The following ABCA13 variants were observed in gnomAD, a reference collection of about 807,000 sequenced individuals.
ABCA13 encodes the protein ATP-binding cassette sub-family A member 13.
Under a neutral mutation model 478.7 loss-of-function variants are expected in ABCA13, and 476 were observed. The ratio of observed to expected loss-of-function variants is 0.99; its 90% CI spans 0.92 to 1.07. ABCA13 has a LOEUF of 1.07. Among genes scored for constraint, ABCA13 ranks in the 50% least tolerant of loss-of-function variants. The pLI, the probability that ABCA13 is intolerant of heterozygous loss-of-function variation, is 0.00. For synonymous variants in ABCA13, 2,252 were observed against 2,158.9 expected, an observed-to-expected ratio of 1.04 and a Z score of -1.20; for missense variants, 6,060 against 5,910.6, an observed-to-expected ratio of 1.03 and a Z score of -0.83.
intron 45 of ABCA13, among the ~76,000 whole-genome samples, chr7:48,480,716 G>T (rs1471000468): frequency 2.0e-5 from 3 of 152,158 alleles, no homozygotes; most frequent in African/African-American, 7.2e-5. Context: ...CTCTCTTTCA[G>T]GTTCGTCAAA....
At chr7:48,599,875 A>C (rs919290965) in intron 58 of ABCA13, among the ~76,000 whole-genome samples, 1 of 152,084 alleles carries the variant, frequency 6.6e-6, no homozygotes, top group African/African-American at 2.4e-5. Flanking sequence ...TGTCTATGCA[A>C]AGGAATATGT....
chr7:48,372,612 G>A, intron 33 of ABCA13, 115 bp downstream of exon 33: 2 of 856,046 alleles, frequency 2.3e-6, no homozygotes, highest in South Asian at 2.1e-5. Context: ...ATATCTACAT[G>A]GGCTTTCTGA....
chr7:48,556,371 A>G (rs969461228), intron 55 of ABCA13, among the ~76,000 whole-genome samples: 1 of 151,882 alleles, frequency 6.6e-6, no homozygotes, highest in Non-Finnish European at 1.5e-5. Context: ...TTTTCTGTTT[A>G]TAATATCTGT....
chr7:48,313,207 G>A lies in ABCA13; in HGVS notation c.9657G>A (p.Leu3219=). The A allele has an allele frequency of 6.2e-7, 1 of 1,611,594 alleles. No homozygotes were observed. The highest frequency in any genetic ancestry group is 8.5e-7 in the Non-Finnish European group (1 of 1,178,720). The change falls in exon 25 of 62, where the codon TTG becomes TTA. Residue 3219 remains leucine, a synonymous_variant. Transcript: ENST00000435803. ...TTCACACATTTAAAATCACTGCCTT[G>A]CTAGAAACCCTGGACTTTCAACAGG... is the stretch of plus-strand genomic sequence containing the variant. The part of the protein sequence containing the change: ...EFLHTFKITA[L]LETLDFQQVS...
In ABCA13 at chr7:48,272,508, A is replaced by G. The variant is rs779473888; in HGVS notation, c.2842A>G (p.Ile948Val). 1 of 1,613,690 alleles carries G rather than the reference A, an allele frequency of 6.2e-7. No individual in the cohort carries two copies. Among genetic ancestry groups the G allele is most frequent in the Admixed American group, 1.7e-5 (1 of 59,986 alleles). Reference sequence around the variant, plus strand: ...AGAAGTTGATAAAATTTTGACTCACATACACCTAAATGTCTTCCAGGACAA... The same window carrying G: ...AGAAGTTGATAAAATTTTGACTCACGTACACCTAAATGTCTTCCAGGACAA... Reference protein sequence around the residue: ...KQEVDKILTHIHLNVFQDKDS... With the variant: ...KQEVDKILTHVHLNVFQDKDS... The change falls in exon 17 of 62, where the codon ATA becomes GTA. Residue 948 changes from isoleucine to valine, a missense_variant. Physicochemically the swap from Ile to Val is conservative, Grantham distance 29. Transcript: ENST00000435803.
At chr7:48,216,192 C>T (rs2128955595) in intron 3 of ABCA13, among the ~76,000 whole-genome samples, 1 of 152,250 alleles carries the variant, frequency 6.6e-6, no homozygotes, top group Admixed American at 6.5e-5. Flanking sequence ...CGTGGCTCTA[C>T]CATTTTGCTC....
intron 40 of ABCA13, among the ~76,000 whole-genome samples, chr7:48,410,984 T>TTTCA: frequency 1.7e-5 from 1 of 59,686 alleles, no homozygotes; most frequent in Non-Finnish European, 3.5e-5. Context: ...TTTCTCTTTC[T>TTTCA]TTCTTTCTTT....
chr7:48,186,987 CTG>C (rs1240130550), intron 1 of ABCA13, among the ~76,000 whole-genome samples: 2 of 146,602 alleles, frequency 1.4e-5, no homozygotes, highest in East Asian at 4.0e-4. Flanking sequence ...ATGTATATAT[CTG>C]TGTGTATATG....
At chr7:48,579,662 C>CA (rs759875885) in intron 55 of ABCA13, among the ~76,000 whole-genome samples, 88 of 152,174 alleles carry the variant, frequency 5.8e-4, no homozygotes, top group Non-Finnish European at 5.7e-4. Context: ...GAGTTTCACA[C>CA]AAAAAATAAG....
At chr7:48,356,728 G>A (rs1188901259) in intron 31 of ABCA13, among the ~76,000 whole-genome samples, 2 of 151,854 alleles carry the variant, frequency 1.3e-5, no homozygotes, top group African/African-American at 4.9e-5. Flanking sequence ...GAGATGGATA[G>A]GCAGCAGCAG....
intron 3 of ABCA13, among the ~76,000 whole-genome samples, chr7:48,210,992 AT>A (rs1315215389): frequency 2.6e-5 from 4 of 152,056 alleles, no homozygotes; most frequent in Non-Finnish European, 5.9e-5. Context: ...AGCTCTGTTA[AT>A]ATTTGCTTTT....
intron 57 of ABCA13, among the ~76,000 whole-genome samples, chr7:48,587,940 G>A (rs955618747): frequency 6.6e-6 from 1 of 152,144 alleles, no homozygotes; most frequent in Non-Finnish European, 1.5e-5. Flanking sequence ...ATAAATAAAG[G>A]CTATTGTTAC....
rs375778185 is a variant in ABCA13 at position 48,580,347 on chromosome 7, C to G, written c.14478C>G (p.Arg4826=). The change falls in exon 56 of 62, where the codon CGC becomes CGG. Residue 4826 remains arginine (R), a synonymous_variant. Coordinates refer to ENST00000435803, the MANE Select transcript of ABCA13 (RefSeq NM_152701.5). ...ATCTCTATTATTACTGTAGCTTACG[C>G]GGGATTCCAAGGCAGTGCATCCCTG... ...WEHLYYYCSL[R]GIPRQCIPEV... 3.1e-6 allele frequency: 5 copies of G among 1,612,610 alleles called. No individual in the cohort carries two copies. The highest frequency in any genetic ancestry group is 1.3e-5 in the African/African-American group (1 of 74,980).
In ABCA13 at chr7:48,317,367, C is replaced by T. The variant is rs1802749252; in HGVS notation, c.9999+71C>T. ...ATCAGGAAGGAATCTTTAAAAATGT[C>T]TGACATAATTATTATGCGCCTTGGA... On this transcript the variant is annotated intron_variant, in intron 27 of 61. Coordinates refer to ENST00000435803, the MANE Select transcript of ABCA13 (RefSeq NM_152701.5). 3.3e-6 allele frequency: 5 copies of T among 1,497,364 alleles called. No individual in the cohort carries two copies. In the African/African-American group the frequency reaches 5.6e-5, roughly 17 times the overall value. The allele number at this position is 1,497,364 out of a possible 1,614,324, so 92.8% of individuals were successfully genotyped here.
intron 43 of ABCA13, among the ~76,000 whole-genome samples, chr7:48,456,916 G>A (rs987762302): frequency 2.0e-5 from 3 of 151,922 alleles, no homozygotes; most frequent in African/African-American, 7.3e-5. Flanking sequence ...AGAATTTTGG[G>A]GGGCAAAGGC....
At chr7:48,547,365 G>C (rs1784909538) in intron 55 of ABCA13, among the ~76,000 whole-genome samples, 1 of 151,762 alleles carries the variant, frequency 6.6e-6, no homozygotes, top group South Asian at 2.1e-4. Flanking sequence ...GTATCTCTTA[G>C]CTGAAAAAGT....
chr7:48,622,888 C>T (rs1793281916), intron 59 of ABCA13, among the ~76,000 whole-genome samples: 2 of 152,112 alleles, frequency 1.3e-5, no homozygotes, highest in Admixed American at 1.3e-4. Context: ...TCCAGGATTA[C>T]CATCTAGTAA....
rs373145026 is a variant in ABCA13, at chr7:48,511,197, C to T, written c.13638C>T (p.Phe4546=). 1.2e-5 allele frequency: 19 copies of T among 1,609,488 alleles called. No homozygotes were observed. In the African/African-American group the frequency reaches 1.2e-4, roughly 10 times the overall value. Residue 4546 remains phenylalanine, a splice_region_variant and synonymous_variant, in exon 51 of 62, where the codon TTC becomes TTT. Transcript: ENST00000435803. ...LAATALLLSL[F]GYATLPWMYL... The stretch of plus-strand genomic sequence containing the variant: ...CCACGGCCCTCCTGCTGTCACTTTT[C>T]GGGTATGTGATGAGAAACGCTGCTG...
At position 48,279,210 on chromosome 7, in the gene ABCA13, C is replaced by T. The variant is rs755374939; in HGVS notation, c.8016C>T (p.Asn2672=). 2 of 1,594,892 alleles carry T rather than the reference C, an allele frequency of 1.3e-6. No individual in the cohort carries two copies. The highest frequency in any genetic ancestry group is 1.8e-5 in the Admixed American group (1 of 57,092). Residue 2672 remains asparagine (N), a synonymous_variant, in exon 18 of 62, where the codon AAC becomes AAT. Coordinates refer to ENST00000435803, the MANE Select transcript of ABCA13 (RefSeq NM_152701.5). ...AAACATTTTCTATGGATTCTGTCAA[C>T]TTACGGGAAGAAATTCTGGGTTGCT... is the stretch of plus-strand genomic sequence containing the variant. ...ETQTFSMDSV[N]LREEILGCLV...
Sources: allele counts gnomAD v4.1 joint callset (sites outside exome capture counted in the v4.1 genomes callset), GRCh38; gene constraint gnomAD v4.1.1; transcripts MANE v1.5; gene names NCBI Gene and HGNC (gene_info 2026-07-23, HGNC 2026-07-21).